IGF2BP2: variants seen among roughly 807,000 people sequenced by gnomAD.
IGF2BP2 encodes insulin-like growth factor 2 mRNA-binding protein 2.
IGF2BP2 carries 17 observed loss-of-function variants against 75.8 expected under a neutral mutation model. That is an observed-to-expected ratio of 0.22 (90% confidence interval 0.15 to 0.34). The LOEUF is 0.34. Among genes scored for constraint, IGF2BP2 ranks in the 10% least tolerant of loss-of-function variants. The probability of loss-of-function intolerance (pLI) is 1.00; values close to 1 mark genes in which losing one functional copy is unlikely to be tolerated. For missense variants in IGF2BP2, 516 were observed against 772.4 expected (o/e 0.67, Z 3.93); for synonymous variants, 288 against 295.6 (o/e 0.97, Z 0.26).
chr3:185,765,938 C>T (rs749846964), intron 2 of IGF2BP2, among the ~76,000 whole-genome samples: 35 of 152,174 alleles, frequency 2.3e-4, no homozygotes, highest in Non-Finnish European at 4.3e-4. Flanking sequence ...GGCAGGTTTA[C>T]GGAGGAGAGT....
At chr3:185,649,340 C>T in intron 14 of IGF2BP2, 63 bp downstream of exon 14, 7 of 1,592,300 alleles carry the variant, frequency 4.4e-6, no homozygotes, top group African/African-American at 1.3e-5. Flanking sequence ...ACTGAGGGAA[C>T]TCAGGCAAGG....
At chr3:185,788,710 CTTTTTTTT>C (rs1158869748) in intron 2 of IGF2BP2, among the ~76,000 whole-genome samples, 1,372 of 100,258 alleles carry the variant, frequency 0.014, 23 homozygotes, top group African/African-American at 0.051. Flanking sequence ...TGACAAACGA[CTTTTTTTT>C]TTTTTTTTTT....
Position 185,687,040 on chromosome 3 carries a change from A to G in IGF2BP2, c.812+17T>C. The G allele has an allele frequency of 6.2e-7, 1 of 1,610,216 alleles. No homozygotes were observed. Among genetic ancestry groups the G allele is most frequent in the East Asian group, 2.2e-5 (1 of 44,854 alleles). On this transcript the variant is annotated intron_variant, in intron 7 of 15. Coordinates refer to ENST00000382199, the MANE Select transcript of IGF2BP2 (RefSeq NM_006548.6). ...TTTTTCTCTGTTGAGTGATCTGGGC[A>G]TTGCATGCAAACTTACAGTTTGGTC... is the stretch of plus-strand genomic sequence containing the variant.
rs987697717 is a variant in IGF2BP2, at chr3:185,663,548, C to A, written c.1201-5139G>T. 2.6e-5 allele frequency among the ~76,000 whole-genome samples: 4 copies of A among 152,112 alleles called. No homozygotes were observed. The East Asian group carries it at 7.7e-4, about 29-fold the overall frequency. ...GCAGGGCCTCCTTTTCCTGGGAGAACTGCAGGGTTCAAGCTGCGATGTGTG... is the reference window on the plus strand; with the variant it reads ...GCAGGGCCTCCTTTTCCTGGGAGAAATGCAGGGTTCAAGCTGCGATGTGTG... On this transcript the variant is annotated intron_variant, in intron 10 of 15. Coordinates refer to ENST00000382199, the MANE Select transcript of IGF2BP2 (RefSeq NM_006548.6).
intron 2 of IGF2BP2, among the ~76,000 whole-genome samples, chr3:185,779,953 G>T (rs898537111): frequency 6.6e-5 from 10 of 152,166 alleles, no homozygotes; most frequent in Non-Finnish European, 1.2e-4. Flanking sequence ...ATATTACAAA[G>T]ATGTTTATTG....
At chr3:185,680,369 A>G (rs374012800) in intron 7 of IGF2BP2, among the ~76,000 whole-genome samples, 4 of 152,204 alleles carry the variant, frequency 2.6e-5, no homozygotes, top group African/African-American at 4.8e-5. Flanking sequence ...GAATGCTACC[A>G]AACATTTAAA....
intron 2 of IGF2BP2, among the ~76,000 whole-genome samples, chr3:185,819,414 G>C (rs944150555): frequency 6.6e-6 from 1 of 151,862 alleles, no homozygotes; most frequent in Non-Finnish European, 1.5e-5. Context: ...TGATTTAAAA[G>C]CATCAAATAA....
chr3:185,687,656 A>C (rs535159631), intron 6 of IGF2BP2, among the ~76,000 whole-genome samples: 15 of 152,362 alleles, frequency 9.8e-5, no homozygotes, highest in African/African-American at 3.4e-4. Flanking sequence ...GTGTGGATAG[A>C]AAACAGAGGC....
intron 9 of IGF2BP2, 103 bp from the exon 10 acceptor site, chr3:185,672,772 A>C (rs1308425674): frequency 2.3e-6 from 3 of 1,315,268 alleles, no homozygotes; most frequent in African/African-American, 2.9e-5. Flanking sequence ...AGCGTCTCCT[A>C]ATCAGCTCTG....
At chr3:185,719,574 C>G (rs895452456) in intron 2 of IGF2BP2, among the ~76,000 whole-genome samples, 1 of 152,176 alleles carries the variant, frequency 6.6e-6, no homozygotes, top group African/African-American at 2.4e-5. Flanking sequence ...TGGCTCACGC[C>G]CGTAATCCCA....
At chr3:185,726,688 C>G (rs767692933) in intron 2 of IGF2BP2, among the ~76,000 whole-genome samples, 1 of 152,226 alleles carries the variant, frequency 6.6e-6, no homozygotes, top group Non-Finnish European at 1.5e-5. Flanking sequence ...AAAGGCCACA[C>G]AGCAAGTCAA....
chr3:185,677,548 C>A (rs141201177), intron 7 of IGF2BP2, among the ~76,000 whole-genome samples: 92 of 152,186 alleles, frequency 6.0e-4, no homozygotes, highest in African/African-American at 2.2e-3. Context: ...AAAAAACTTA[C>A]TAGGCATACA....
intron 2 of IGF2BP2, among the ~76,000 whole-genome samples, chr3:185,813,873 C>T (rs1374910): frequency 0.095 from 14,471 of 152,238 alleles, 827 homozygotes; most frequent in African/African-American, 0.16. Flanking sequence ...TTCCAGCCAT[C>T]CCCAAGGAAA....
intron 7 of IGF2BP2, 40 bp from the exon 8 acceptor site, chr3:185,675,953 A>ATT (rs774222500): frequency 3.5e-5 from 56 of 1,595,886 alleles, no homozygotes; most frequent in Non-Finnish European, 4.3e-5. Flanking sequence ...TCAGATACGT[A>ATT]TAACGGTTGT....
intron 7 of IGF2BP2, among the ~76,000 whole-genome samples, chr3:185,679,159 C>T (rs1265781778): frequency 6.6e-6 from 1 of 152,068 alleles, no homozygotes; most frequent in Non-Finnish European, 1.5e-5. Context: ...TCATTGTTTT[C>T]TGTATGTCTA....
intron 9 of IGF2BP2, among the ~76,000 whole-genome samples, chr3:185,672,884 T>C (rs59847976): frequency 3.6e-4 from 55 of 152,170 alleles, no homozygotes; most frequent in African/African-American, 1.3e-3. Context: ...TGTCTACATA[T>C]CTTGTCATGG....
intron 2 of IGF2BP2, among the ~76,000 whole-genome samples, chr3:185,698,990 T>G (rs941877366): frequency 6.6e-6 from 1 of 152,118 alleles, no homozygotes; most frequent in Non-Finnish European, 1.5e-5. Context: ...AATTTTTGCA[T>G]TTTTAGTAGA....
intron 2 of IGF2BP2, among the ~76,000 whole-genome samples, chr3:185,774,222 G>T (rs1047121243): frequency 1.3e-5 from 2 of 152,134 alleles, no homozygotes; most frequent in African/African-American, 4.8e-5. Flanking sequence ...GTTACACAGG[G>T]CTTGCATGGT....
intron 2 of IGF2BP2, among the ~76,000 whole-genome samples, chr3:185,703,362 C>G (rs1214036324): frequency 6.6e-6 from 1 of 152,112 alleles, no homozygotes. Context: ...AGCTAGATGT[C>G]CATTGTTATG....
Sources: gnomAD v4.1 joint callset for allele counts (sites outside exome capture counted in the v4.1 genomes callset) on GRCh38, gnomAD v4.1.1 for gene constraint, MANE v1.5 for transcripts, NCBI Gene and HGNC (gene_info 2026-07-23, HGNC 2026-07-21) for gene names.